Variants in OGG1 observed in about 807,000 individuals in gnomAD.
OGG1 encodes the protein 8-oxoguanine DNA glycosylase.
In OGG1, 35 loss-of-function variants were observed where a neutral mutation model predicts 42.3. The ratio of observed to expected loss-of-function variants is 0.83; its 90% CI spans 0.63 to 1.10. The LOEUF (loss-of-function observed/expected upper bound fraction) is 1.10. OGG1 is among the 50% of genes least tolerant of loss of function. The pLI, the probability that OGG1 is intolerant of heterozygous loss-of-function variation, is 0.00. For missense variants in OGG1, 484 were observed against 446.7 expected (o/e 1.08, Z -0.75); for synonymous variants, 189 against 179.0 (o/e 1.06, Z -0.44).
intron 2 of OGG1, among the ~76,000 whole-genome samples, chr3:9,779,024 C>T (rs1248112559): frequency 6.6e-6 from 1 of 152,118 alleles, no homozygotes; most frequent in East Asian, 1.9e-4. Context: ...CTGATTCTCT[C>T]AGACCAGTCT....
intron 7 of OGG1, chr3:9,763,247 T>C (rs749029828): frequency 1.2e-6 from 2 of 1,613,218 alleles, no homozygotes; most frequent in South Asian, 2.2e-5. Flanking sequence ...TAGCCAGGCA[T>C]GGCGGTGTGC....
At chr3:9,759,166 T>A, downstream of OGG1, 1 of 1,581,102 alleles carries the variant, frequency 6.3e-7, no homozygotes, top group Admixed American at 1.7e-5. Context: ...TATGCCTCAC[T>A]AATTCCTACT....
downstream of OGG1, chr3:9,761,189 AT>A (rs753780093): frequency 2.4e-6 from 1 of 413,362 alleles, no homozygotes; most frequent in Non-Finnish European, 4.4e-6. Flanking sequence ...TTACTTGTTG[AT>A]TGTCTGTCTT....
downstream of OGG1, chr3:9,767,896 T>C: frequency 1.5e-6 from 2 of 1,353,276 alleles, no homozygotes; most frequent in South Asian, 3.2e-5. Flanking sequence ...ATTCATCCAT[T>C]TGACAAAATC....
At chr3:9,761,651 C>T (rs1207464278), downstream of OGG1, 1 of 1,614,180 alleles carries the variant, frequency 6.2e-7, no homozygotes, top group Non-Finnish European at 8.5e-7. Context: ...CGGAGTTCCA[C>T]AGGCGGTGGA....
chr3:9,789,827 C>T (rs2078695027), downstream of OGG1: 1 of 1,614,138 alleles, frequency 6.2e-7, no homozygotes. Flanking sequence ...TGGGCCAGGG[C>T]CCGGCCCATG....
intron 2 of OGG1, chr3:9,780,045 G>A (rs1161754954): frequency 7.3e-6 from 2 of 272,184 alleles, no homozygotes; most frequent in Admixed American, 5.2e-5. Flanking sequence ...TCCTTGAAGG[G>A]GAGACAGGGG....
chr3:9,757,923 G>T (rs553428376), downstream of OGG1: 86 of 1,519,612 alleles, frequency 5.7e-5, no homozygotes, highest in Admixed American at 1.5e-4. The surrounding 1 kb of genome is among the most constrained non-coding windows in gnomAD (Gnocchi z 4.5). Flanking sequence ...GGGCGCAGTG[G>T]GATTCTTGCA....
chr3:9,754,982 C>T (rs532292746), intron 4 of OGG1, 97 bp downstream of exon 4: 15 of 1,013,738 alleles, frequency 1.5e-5, no homozygotes, highest in Admixed American at 1.4e-4. Flanking sequence ...GCTTGGCTTC[C>T]GGAGGCAGAG....
Position 9,756,456 on chromosome 3 carries a change from C to G in OGG1, c.748-15C>G, listed in dbSNP as rs2072668. Reference sequence around the variant, plus strand: ...TGCCCTTCTTCCACAAGGGCTCATTCTGTGTCTGTCAAAGGTGGCTGACTG... The same window carrying G: ...TGCCCTTCTTCCACAAGGGCTCATTGTGTGTCTGTCAAAGGTGGCTGACTG... On this transcript the variant is annotated splice_polypyrimidine_tract_variant and intron_variant, in intron 4 of 6. Transcript: ENST00000344629. 0.25 allele frequency: 397,091 copies of G among 1,612,638 alleles called. 52,209 individuals are homozygous for G. Among genetic ancestry groups the G allele is most frequent in the East Asian group, 0.54 (24,187 of 44,840 alleles).
rs1442562209 is a variant in OGG1 at position 9,751,771 on chromosome 3, T to C, written c.387T>C (p.Gly129=). 10 of 1,614,072 alleles carry C rather than the reference T, an allele frequency of 6.2e-6. No homozygotes were observed. The highest frequency in any genetic ancestry group is 1.3e-5 in the African/African-American group (1 of 74,930). ...ACCCCCTGCATTTCTGGTCTCCAGG[T>C]GTGCGACTGCTGCGACAAGACCCCA... ...HFQEVAQKFQ[G]VRLLRQDPIE... Residue 129 remains glycine (G), a splice_region_variant and synonymous_variant, in exon 3 of 7, where the codon GGT becomes GGC. Transcript: ENST00000344629.
chr3:9,759,722 C>G, downstream of OGG1: 1 of 1,614,164 alleles, frequency 6.2e-7, no homozygotes, highest in Non-Finnish European at 8.5e-7. Flanking sequence ...CTGGGTCCTT[C>G]TCCATCAAGT....
Position 9,754,785 on chromosome 3 carries a change from T to C in OGG1, c.647T>C (p.Leu216Pro). 3.1e-6 allele frequency: 5 copies of C among 1,613,942 alleles called. No individual in the cohort carries two copies. Among genetic ancestry groups the C allele is most frequent in the Non-Finnish European group, 4.2e-6 (5 of 1,179,940 alleles). ...GTGAGTGCCAGTGCCCGAGCCATCC[T>C]GGAAGAACAGGGCGGGCTAGCCTGG... The part of the protein sequence containing the change: ...RYVSASARAI[L>P]EEQGGLAWLQ... Residue 216 changes from leucine (L) to proline (P), a missense_variant, in exon 4 of 7, where the codon CTG becomes CCG. Physicochemically the swap from Leu to Pro is moderately conservative, Grantham distance 98 (BLOSUM62 -3). Transcript: ENST00000344629.
At chr3:9,784,864 C>CAAAA (rs56673103) in intron 3 of OGG1, among the ~76,000 whole-genome samples, 1 of 97,396 alleles carries the variant, frequency 1.0e-5, no homozygotes, top group East Asian at 2.8e-4. Context: ...GACTCCATCT[C>CAAAA]AAAAAAAAAA....
chr3:9,757,516 A>G, downstream of OGG1: 2 of 1,608,892 alleles, frequency 1.2e-6, no homozygotes, highest in Non-Finnish European at 1.7e-6. The surrounding 1 kb of genome is among the most constrained non-coding windows in gnomAD (Gnocchi z 4.5). Flanking sequence ...CACGCAGAGG[A>G]TCATGACCCG....
chr3:9,750,298 C>T lies in OGG1; in HGVS notation c.12C>T (p.Arg4=), dbSNP rs758037011. 2.5e-6 allele frequency: 4 copies of T among 1,610,540 alleles called. No individual in the cohort carries two copies. Among genetic ancestry groups the T allele is most frequent in the Admixed American group, 1.7e-5 (1 of 59,926 alleles). MPA[R]ALLPRRMGHR... ...TGCCTGCTGTGGAAATGCCTGCCCG[C>T]GCGCTTCTGCCCAGGCGCATGGGGC... Residue 4 remains arginine (R), a synonymous_variant, in exon 1 of 7, where the codon CGC becomes CGT. Transcript: ENST00000344629.
chr3:9,751,500 G>C (rs575145364), intron 2 of OGG1, among the ~76,000 whole-genome samples: 20 of 152,204 alleles, frequency 1.3e-4, no homozygotes, highest in African/African-American at 3.6e-4. Context: ...CTGTGTGACC[G>C]GGGATACACC....
downstream of OGG1, chr3:9,767,865 A>G (rs974221952): frequency 1.6e-5 from 23 of 1,479,240 alleles, no homozygotes; most frequent in African/African-American, 1.1e-4. Flanking sequence ...CAGTCATTCA[A>G]CCTGCATTTA....
chr3:9,781,375 C>T (rs1407640840), intron 2 of OGG1: 3 of 395,808 alleles, frequency 7.6e-6, no homozygotes, highest in Non-Finnish European at 1.6e-5. Flanking sequence ...AACAACCCTG[C>T]AAAATATGTA....
Sources: gnomAD v4.1 joint callset for allele counts (sites outside exome capture counted in the v4.1 genomes callset) on GRCh38, gnomAD v4.1.1 for gene constraint, Gnocchi (gnomAD v3.1) non-coding constraint, MANE v1.5 for transcripts, NCBI Gene and HGNC (gene_info 2026-07-23, HGNC 2026-07-21) for gene names.